The following PRR14L variants were observed in gnomAD, a reference collection of about 807,000 sequenced individuals.
The protein encoded by PRR14L is protein PRR14L.
PRR14L carries 80 observed loss-of-function variants against 155.0 expected under a neutral mutation model. The ratio of observed to expected loss-of-function variants is 0.52; its 90% CI spans 0.43 to 0.62. The LOEUF is 0.62. Among genes scored for constraint, PRR14L ranks in the 20% least tolerant of loss-of-function variants. The probability of loss-of-function intolerance (pLI) is 0.00; values close to 1 mark genes in which losing one functional copy is unlikely to be tolerated. For synonymous variants in PRR14L, 883 were observed against 916.0 expected (o/e 0.96, Z 0.65); for missense variants, 2,469 against 2,548.0 (o/e 0.97, Z 0.67).
At chr22:31,744,947 AC>A (rs2147879153) in intron 1 of PRR14L, among the ~76,000 whole-genome samples, 1 of 152,326 alleles carries the variant, frequency 6.6e-6, no homozygotes, top group Admixed American at 6.5e-5. Context: ...TGGCTAGAGA[AC>A]CAAAACAGAC....
intron 1 of PRR14L, among the ~76,000 whole-genome samples, chr22:31,743,728 G>C (rs1034071785): frequency 3.3e-5 from 5 of 151,504 alleles, no homozygotes; most frequent in African/African-American, 1.2e-4. Context: ...CTTGAACCTG[G>C]AAGGCGGAGG....
At chr22:31,745,675 A>G (rs1435035932) in intron 1 of PRR14L, among the ~76,000 whole-genome samples, 1 of 151,480 alleles carries the variant, frequency 6.6e-6, no homozygotes, top group East Asian at 1.9e-4. Flanking sequence ...GTGAAACCCT[A>G]TCTCTACTAA....
intron 2 of PRR14L, among the ~76,000 whole-genome samples, chr22:31,730,726 T>C (rs575863138): frequency 2.6e-5 from 4 of 152,340 alleles, no homozygotes; most frequent in Admixed American, 2.6e-4. Flanking sequence ...TTAACAACCA[T>C]TAATGATTCC....
At chr22:31,711,557 G>A (rs1413191392) in intron 4 of PRR14L, among the ~76,000 whole-genome samples, 1 of 151,930 alleles carries the variant, frequency 6.6e-6, no homozygotes, top group Admixed American at 6.6e-5. Context: ...GAGGCAGGTG[G>A]ATCACCTGAG....
Position 31,716,641 on chromosome 22 carries a change from C to T in PRR14L, c.1198G>A (p.Glu400Lys). The change falls in exon 4 of 9, where the codon GAA (glutamate) becomes AAA (lysine). Residue 400 changes from glutamate (E) to lysine (K), a missense_variant. By Grantham distance (56) the Glu-to-Lys change is moderately conservative (BLOSUM62 1). Coordinates refer to ENST00000327423, the MANE Select transcript of PRR14L (RefSeq NM_173566.3). ...TCACTCCTAGGAATCAAAAGCCGTTCCTCATTTTCTTCTCTAGAAGCCAAG... is the reference window on the plus strand; with the variant it reads ...TCACTCCTAGGAATCAAAAGCCGTTTCTCATTTTCTTCTCTAGAAGCCAAG... ...KNLASREENE[E>K]RLLIPRSERG... 1 of 1,552,026 alleles carries T rather than the reference C, an allele frequency of 6.4e-7. No individual in the cohort carries two copies. Among genetic ancestry groups the T allele is most frequent in the Non-Finnish European group, 8.7e-7 (1 of 1,147,048 alleles).
intron 4 of PRR14L, among the ~76,000 whole-genome samples, chr22:31,705,764 C>T (rs1486641721): frequency 1.3e-5 from 2 of 151,602 alleles, no homozygotes; most frequent in African/African-American, 4.8e-5. Context: ...CTTTGGGAGG[C>T]TGAGGTGGGC....
At chr22:31,695,429 G>C (rs2074530894) in intron 7 of PRR14L, among the ~76,000 whole-genome samples, 1 of 152,092 alleles carries the variant, frequency 6.6e-6, no homozygotes, top group Non-Finnish European at 1.5e-5. Flanking sequence ...ATATATGTTG[G>C]GGTGTCTTGG....
At chr22:31,686,906 T>C (rs1034323211) in intron 8 of PRR14L, among the ~76,000 whole-genome samples, 2 of 152,228 alleles carry the variant, frequency 1.3e-5, no homozygotes, top group African/African-American at 2.4e-5. Context: ...CTGACTTGAA[T>C]TGAATTCAGA....
intron 2 of PRR14L, among the ~76,000 whole-genome samples, chr22:31,737,496 G>A (rs1260691326): frequency 6.6e-6 from 1 of 151,424 alleles, no homozygotes; most frequent in African/African-American, 2.4e-5. Context: ...AAAGAAAAAA[G>A]AATTTGGAGG....
chr22:31,687,331 T>C (rs1036097642), intron 8 of PRR14L, among the ~76,000 whole-genome samples: 1 of 150,982 alleles, frequency 6.6e-6, no homozygotes, highest in African/African-American at 2.4e-5. Context: ...CCACTGCACC[T>C]GGCTGAGACT....
In PRR14L at chr22:31,703,547, T is replaced by C. The variant is rs753960559; in HGVS notation, c.6000+3A>G. 6.2e-7 allele frequency: 1 copy of C among 1,612,338 alleles called. No homozygotes were observed. The highest frequency in any genetic ancestry group is 2.2e-5 in the East Asian group (1 of 44,690). On this transcript the variant is annotated splice_donor_region_variant and intron_variant, in intron 6 of 8. Coordinates refer to ENST00000327423, the MANE Select transcript of PRR14L (RefSeq NM_173566.3). The stretch of plus-strand genomic sequence containing the variant: ...TCTGACCCAACCAGCACTTTACACT[T>C]ACCTCTTTCTGTTCTGGGGGGCTGC...
At chr22:31,722,584 G>A (rs1444380981) in intron 3 of PRR14L, among the ~76,000 whole-genome samples, 1 of 150,136 alleles carries the variant, frequency 6.7e-6, no homozygotes, top group Non-Finnish European at 1.5e-5. Flanking sequence ...GTGCAGTGGA[G>A]CGATCCCCGC....
chr22:31,706,859 G>C (rs1601499590), intron 4 of PRR14L, among the ~76,000 whole-genome samples: 1 of 151,702 alleles, frequency 6.6e-6, no homozygotes, highest in African/African-American at 2.4e-5. Flanking sequence ...AGACCAGCCT[G>C]GCCAACCTGG....
intron 2 of PRR14L, among the ~76,000 whole-genome samples, chr22:31,737,416 G>A (rs1374156713): frequency 6.6e-6 from 1 of 151,858 alleles, no homozygotes; most frequent in Non-Finnish European, 1.5e-5. Flanking sequence ...GGGAGGCAGA[G>A]GTTGCAGTGA....
At position 31,715,361 on chromosome 22, in the gene PRR14L, A is replaced by C; in HGVS notation, c.2478T>G (p.Asn826Lys). 1 of 1,552,024 alleles carries C rather than the reference A, an allele frequency of 6.4e-7. No individual in the cohort carries two copies. The highest frequency in any genetic ancestry group is 8.7e-7 in the Non-Finnish European group (1 of 1,147,076). The change falls in exon 4 of 9, where the codon AAT becomes AAG. Residue 826 changes from asparagine to lysine, a missense_variant. Coordinates refer to ENST00000327423, the MANE Select transcript of PRR14L (RefSeq NM_173566.3). Reference sequence around the variant, plus strand: ...AGCAGTGATCACGGTGCTGAAATGCATTTTCATATTTTGTTATCAAAGAGT... The same window carrying C: ...AGCAGTGATCACGGTGCTGAAATGCCTTTTCATATTTTGTTATCAAAGAGT... ...VDNSLITKYE[N>K]AFQHRDHCCQ...
Position 31,683,654 on chromosome 22 carries a change from G to A in PRR14L, c.*1873C>T, listed in dbSNP as rs1295393164. On this transcript the variant is annotated 3_prime_UTR_variant, in exon 9 of 9. Transcript: ENST00000327423. ...CTTGGAAGCCTCCGTGGATGACCAA[G>A]TGTGTATTTCACTCGTCTCAATGCT... is the stretch of plus-strand genomic sequence containing the variant. 1 of 152,290 alleles carries A rather than the reference G, an allele frequency of 6.6e-6. No individual in the cohort carries two copies. The highest frequency in any genetic ancestry group is 6.5e-5 in the Admixed American group (1 of 15,268). 9.4% of individuals were successfully genotyped at this position (152,290 alleles called of 1,614,324 possible). A position where few individuals can be genotyped will look rare whatever the true frequency, so the allele number is the denominator to read the frequency against.
intron 2 of PRR14L, among the ~76,000 whole-genome samples, chr22:31,726,662 G>C (rs1569499874): frequency 6.6e-6 from 1 of 152,166 alleles, no homozygotes; most frequent in Non-Finnish European, 1.5e-5. Flanking sequence ...TGAGGTGTGA[G>C]AATAGATGCT....
At chr22:31,725,393 A>T in intron 3 of PRR14L, 145 bp downstream of exon 3, 1 of 634,794 alleles carries the variant, frequency 1.6e-6, no homozygotes, top group Non-Finnish European at 2.8e-6. Flanking sequence ...GATACGATCT[A>T]CAGTGAAGTT....
chr22:31,716,897 CTGT>C lies in PRR14L; in HGVS notation c.939_941del (p.Gln314del). 6.4e-7 allele frequency: 1 copy of C among 1,552,018 alleles called. No homozygotes were observed. The highest frequency in any genetic ancestry group is 1.2e-5 in the South Asian group (1 of 84,060). ...GTTGTTCATTATGGTGGCCATGAAGCTGTTGGTGATTGTCATCTGCTTCACAGA... is the reference window on the plus strand; with the variant it reads ...GTTGTTCATTATGGTGGCCATGAAGCTGGTGATTGTCATCTGCTTCACAGA... On this transcript the variant is annotated inframe_deletion, in exon 4 of 9. Transcript: ENST00000327423.
Sources: gnomAD v4.1 joint callset for allele counts (sites outside exome capture counted in the v4.1 genomes callset) on GRCh38, gnomAD v4.1.1 for gene constraint, MANE v1.5 for transcripts, NCBI Gene and HGNC (gene_info 2026-07-23, HGNC 2026-07-21) for gene names.